The following PLPP4 variants were observed in gnomAD, a reference collection of about 807,000 sequenced individuals.
PLPP4 encodes the protein phospholipid phosphatase 4.
In PLPP4, 20 loss-of-function variants were observed where a neutral mutation model predicts 32.2. The observed-to-expected ratio is 0.62, with a 90% CI of 0.44 to 0.90. PLPP4 has a LOEUF of 0.90. Ranked by LOEUF, PLPP4 falls within the 40% of genes least tolerant of loss-of-function variation. The pLI, the probability that PLPP4 is intolerant of heterozygous loss-of-function variation, is 0.00. For synonymous variants in PLPP4, 127 were observed against 133.0 expected (o/e 0.95, Z 0.31); for missense variants, 257 against 353.1 (o/e 0.73, Z 2.18).
intron 1 of PLPP4, among the ~76,000 whole-genome samples, chr10:120,488,050 C>A (rs962942421): frequency 6.6e-6 from 1 of 152,118 alleles, no homozygotes; most frequent in Non-Finnish European, 1.5e-5. Flanking sequence ...CAGATGTGGT[C>A]CCCACTGGAG....
At chr10:120,480,531 G>A (rs144525444) in intron 1 of PLPP4, among the ~76,000 whole-genome samples, 17 of 152,290 alleles carry the variant, frequency 1.1e-4, no homozygotes, top group Non-Finnish European at 1.6e-4. Flanking sequence ...CAGAGAGGAT[G>A]CATCTGAAAC....
chr10:120,557,391 T>A (rs1848208802), intron 5 of PLPP4, among the ~76,000 whole-genome samples: 1 of 152,192 alleles, frequency 6.6e-6, no homozygotes, highest in Admixed American at 6.5e-5. Context: ...GTGGCTTGAA[T>A]TTTGTAATCT....
At chr10:120,534,047 C>T (rs1050296734) in intron 5 of PLPP4, among the ~76,000 whole-genome samples, 7 of 152,054 alleles carry the variant, frequency 4.6e-5, no homozygotes, top group Admixed American at 4.6e-4. Context: ...ACATAATTAA[C>T]TTTATTGGTG....
intron 1 of PLPP4, among the ~76,000 whole-genome samples, chr10:120,501,039 G>A (rs1375575830): frequency 6.6e-6 from 1 of 152,058 alleles, no homozygotes; most frequent in East Asian, 1.9e-4. Context: ...AAAAATAATA[G>A]CAGGGGTTCC....
At chr10:120,514,257 A>C (rs1306988415) in intron 3 of PLPP4, among the ~76,000 whole-genome samples, 2 of 152,150 alleles carry the variant, frequency 1.3e-5, no homozygotes, top group Non-Finnish European at 2.9e-5. Flanking sequence ...CACACCAGAG[A>C]GCTGTGCTGC....
At chr10:120,493,841 C>T (rs960617786) in intron 1 of PLPP4, among the ~76,000 whole-genome samples, 15 of 152,148 alleles carry the variant, frequency 9.9e-5, no homozygotes, top group Non-Finnish European at 2.1e-4. Context: ...ATACTCACAG[C>T]CCAGGGGAGG....
At chr10:120,459,581 C>T (rs1317309144) in intron 1 of PLPP4, among the ~76,000 whole-genome samples, 2 of 152,184 alleles carry the variant, frequency 1.3e-5, no homozygotes, top group Non-Finnish European at 2.9e-5. Flanking sequence ...TACCTCTGCT[C>T]ACGAAGATGG....
chr10:120,576,429 G>A (rs1360590806), intron 6 of PLPP4, among the ~76,000 whole-genome samples: 1 of 152,182 alleles, frequency 6.6e-6, no homozygotes, highest in Non-Finnish European at 1.5e-5. Flanking sequence ...TGAGGCAATG[G>A]ATGGGGACAG....
intron 1 of PLPP4, among the ~76,000 whole-genome samples, chr10:120,495,668 T>G (rs1844927813): frequency 6.6e-6 from 1 of 152,172 alleles, no homozygotes; most frequent in Non-Finnish European, 1.5e-5. Flanking sequence ...GGGTTGAAAG[T>G]GACTTTCTGG....
rs1416819026 is a variant in PLPP4, at chr10:120,484,871, A to G, written c.57-18947A>G. On this transcript the variant is annotated intron_variant, in intron 1 of 6. Coordinates refer to ENST00000398250, the MANE Select transcript of PLPP4 (RefSeq NM_001030059.3). ...CCCTGAGATGGAGAGATTATTCTGG[A>G]TTAGCTGGTGGGCCCAGTGTAATCA... 3.9e-5 allele frequency among the ~76,000 whole-genome samples: 6 copies of G among 152,274 alleles called. No individual in the cohort carries two copies. The East Asian group carries it at 5.8e-4, about 15-fold the overall frequency.
chr10:120,538,277 A>G (rs1161182643), intron 5 of PLPP4, among the ~76,000 whole-genome samples: 1 of 150,818 alleles, frequency 6.6e-6, no homozygotes, highest in Non-Finnish European at 1.5e-5. Context: ...GGAAAATGCA[A>G]ACTCATTTGA....
chr10:120,561,760 G>A (rs1449733518), intron 5 of PLPP4, among the ~76,000 whole-genome samples: 2 of 152,172 alleles, frequency 1.3e-5, no homozygotes, highest in Non-Finnish European at 2.9e-5. Context: ...AGAGAGCATG[G>A]AGAATCACTT....
intron 6 of PLPP4, among the ~76,000 whole-genome samples, chr10:120,580,550 C>T (rs12776883): frequency 0.24 from 36,069 of 151,624 alleles, 4,595 homozygotes; most frequent in Non-Finnish European, 0.29. Flanking sequence ...GGGTGTAAAT[C>T]CAGCTATGTC....
At chr10:120,457,697 C>T (rs995718267) in intron 1 of PLPP4, among the ~76,000 whole-genome samples, 4 of 152,178 alleles carry the variant, frequency 2.6e-5, no homozygotes, top group African/African-American at 9.6e-5. Context: ...GGCCCGTGCC[C>T]TCGGGAAGTT....
intron 5 of PLPP4, among the ~76,000 whole-genome samples, chr10:120,556,386 G>A (rs961566336): frequency 2.6e-5 from 4 of 152,148 alleles, no homozygotes. Flanking sequence ...AATCACAGCG[G>A]GAGTGGAACA....
intron 5 of PLPP4, among the ~76,000 whole-genome samples, chr10:120,524,028 A>G (rs1005155197): frequency 3.2e-4 from 49 of 152,218 alleles, no homozygotes; most frequent in Admixed American, 1.3e-4. Flanking sequence ...GGTGGCTGAC[A>G]TCTGATCTGT....
At chr10:120,487,873 GTTGGTGGCT>G (rs1283447789) in intron 1 of PLPP4, among the ~76,000 whole-genome samples, 5 of 152,350 alleles carry the variant, frequency 3.3e-5, no homozygotes, top group African/African-American at 1.2e-4. Flanking sequence ...GGCTTCCAGA[GTTGGTGGCT>G]ACTTTTTACC....
intron 5 of PLPP4, among the ~76,000 whole-genome samples, chr10:120,554,016 TTTTTG>T (rs1848033428): frequency 6.6e-6 from 1 of 152,210 alleles, no homozygotes; most frequent in African/African-American, 2.4e-5. Flanking sequence ...GCAGAAAATG[TTTTTG>T]TTTTTTGTTT....
chr10:120,538,085 T>TGTGTGTG (rs71019774), intron 5 of PLPP4, among the ~76,000 whole-genome samples: 30 of 127,698 alleles, frequency 2.3e-4, no homozygotes, highest in East Asian at 9.1e-4. Context: ...TGTGTGTGTG[T>TGTGTGTG]TTTCAGATTC....
Sources: allele counts gnomAD v4.1 joint callset (sites outside exome capture counted in the v4.1 genomes callset), GRCh38; gene constraint gnomAD v4.1.1; transcripts MANE v1.5; gene names NCBI Gene and HGNC (gene_info 2026-07-23, HGNC 2026-07-21).